Variants in NRXN3 observed in about 807,000 individuals in gnomAD.
NRXN3 encodes the protein neurexin 3.
NRXN3 carries 32 observed loss-of-function variants against 137.6 expected under a neutral mutation model. The ratio of observed to expected loss-of-function variants is 0.23; its 90% CI spans 0.18 to 0.31. NRXN3 has a LOEUF of 0.31. Ranked by LOEUF, NRXN3 falls within the 10% of genes least tolerant of loss-of-function variation. NRXN3 has a pLI of 1.00. For missense variants in NRXN3, 1,574 were observed against 2,062.5 expected (o/e 0.76, Z 4.59); for synonymous variants, 798 against 784.5 (o/e 1.02, Z -0.29).
chr14:78,555,044 G>A lies in NRXN3; in HGVS notation c.758-90076G>A, dbSNP rs57132994. 7.6e-3 allele frequency among the ~76,000 whole-genome samples: 1,150 copies of A among 152,152 alleles called. 13 individuals are homozygous for A. Among genetic ancestry groups the A allele is most frequent in the African/African-American group, 0.026 (1,080 of 41,508 alleles). ...GCTCTGCCATTCATCAGCTTGAGTTGTCTTAGGCAAGTCACATACCATCCT... is the reference window on the plus strand; with the variant it reads ...GCTCTGCCATTCATCAGCTTGAGTTATCTTAGGCAAGTCACATACCATCCT... On this transcript the variant is annotated intron_variant, in intron 4 of 20. Transcript: ENST00000335750.
chr14:78,720,663 T>G (rs1248160357), intron 8 of NRXN3, among the ~76,000 whole-genome samples: 1 of 152,208 alleles, frequency 6.6e-6, no homozygotes, highest in Admixed American at 6.5e-5. Context: ...TCTCTATCAT[T>G]TTAGATCAAA....
intron 8 of NRXN3, among the ~76,000 whole-genome samples, chr14:78,737,922 G>C (rs529752242): frequency 5.9e-5 from 9 of 152,252 alleles, no homozygotes; most frequent in African/African-American, 2.2e-4. Flanking sequence ...GGATTGCTCT[G>C]CTCTGTCTAT....
intron 16 of NRXN3, among the ~76,000 whole-genome samples, chr14:79,614,616 T>G (rs1310347894): frequency 1.3e-5 from 2 of 152,206 alleles, no homozygotes; most frequent in Admixed American, 1.3e-4. Context: ...TGTCACATCT[T>G]GCACTGCTAA....
In NRXN3 at chr14:79,581,574, T is replaced by C. The variant is rs921301982; in HGVS notation, c.3445-82204T>C. On this transcript the variant is annotated intron_variant, in intron 16 of 20. Transcript: ENST00000335750. ...CAATGCCCCATTGGATTTGTTCATG[T>C]CTTTGTTTCTTTGATATATCATCCT... is the stretch of plus-strand genomic sequence containing the variant. 2.6e-5 allele frequency among the ~76,000 whole-genome samples: 4 copies of C among 152,226 alleles called. No individual in the cohort carries two copies. The South Asian group carries it at 6.2e-4, about 24-fold the overall frequency.
intron 15 of NRXN3, among the ~76,000 whole-genome samples, chr14:79,314,820 G>A (rs1319782429): frequency 3.4e-5 from 5 of 147,624 alleles, no homozygotes; most frequent in South Asian, 4.5e-4. Flanking sequence ...CACCTCACAC[G>A]GCAGGGTATT....
intron 15 of NRXN3, among the ~76,000 whole-genome samples, chr14:79,388,744 G>C (rs1599584891): frequency 6.6e-6 from 1 of 152,038 alleles, no homozygotes; most frequent in East Asian, 1.9e-4. Context: ...TTTCTTTTTG[G>C]CGGTGAGATG....
chr14:78,362,503 G>A (rs1341813105), intron 4 of NRXN3, among the ~76,000 whole-genome samples: 4 of 151,830 alleles, frequency 2.6e-5, no homozygotes, highest in African/African-American at 9.7e-5. Flanking sequence ...TTTTCCAAAG[G>A]GCATAAATTA....
chr14:79,463,267 G>T lies in NRXN3; in HGVS notation c.3263-3954G>T, dbSNP rs1364014410. Among the ~76,000 whole-genome samples, 3 of 152,084 alleles carry T rather than the reference G, an allele frequency of 2.0e-5. No individual in the cohort carries two copies. The East Asian group carries it at 5.8e-4, about 29-fold the overall frequency. On this transcript the variant is annotated intron_variant, in intron 15 of 20. Coordinates refer to ENST00000335750, the MANE Select transcript of NRXN3 (RefSeq NM_001330195.2). ...AAACTATAGGTCACCCACTTAATTA[G>T]CTTGTTCCGTAACTTTCACCCAGGA...
At chr14:78,469,903 T>C (rs1352155247) in intron 4 of NRXN3, among the ~76,000 whole-genome samples, 1 of 152,244 alleles carries the variant, frequency 6.6e-6, no homozygotes, top group Non-Finnish European at 1.5e-5. Context: ...CCCGTTAGTC[T>C]GAGCTTTGAC....
At chr14:79,855,849 G>A (rs2099401469) in intron 20 of NRXN3, among the ~76,000 whole-genome samples, 1 of 152,096 alleles carries the variant, frequency 6.6e-6, no homozygotes, top group Non-Finnish European at 1.5e-5. Context: ...GATGGTTTGA[G>A]GTAGGGTATT....
chr14:78,391,383 G>C (rs1378997649), intron 4 of NRXN3, among the ~76,000 whole-genome samples: 1 of 152,106 alleles, frequency 6.6e-6, no homozygotes, highest in Non-Finnish European at 1.5e-5. Flanking sequence ...TTTGTGGCAG[G>C]TGTGGCTATG....
rs534759150 is a variant in NRXN3 at position 79,446,121 on chromosome 14, G to A, written c.3263-21100G>A. ...TTATTGAGGAGAGGCAGACAAAAACGAATAAGAACCGTGAAGAAAATATAG... is the reference window on the plus strand; with the variant it reads ...TTATTGAGGAGAGGCAGACAAAAACAAATAAGAACCGTGAAGAAAATATAG... On this transcript the variant is annotated intron_variant, in intron 15 of 20. Coordinates refer to ENST00000335750, the MANE Select transcript of NRXN3 (RefSeq NM_001330195.2). Among the ~76,000 whole-genome samples the A allele has an allele frequency of 3.9e-5, 6 of 152,210 alleles. No individual in the cohort carries two copies. In the South Asian group the frequency reaches 8.3e-4, roughly 21 times the overall value.
intron 15 of NRXN3, among the ~76,000 whole-genome samples, chr14:79,144,679 G>T (rs1481894919): frequency 2.0e-5 from 3 of 152,120 alleles, no homozygotes; most frequent in African/African-American, 7.2e-5. Flanking sequence ...GCCAATCTTG[G>T]AAGCGTAACA....
At chr14:79,420,530 A>G (rs1330977453) in intron 15 of NRXN3, among the ~76,000 whole-genome samples, 1 of 152,166 alleles carries the variant, frequency 6.6e-6, no homozygotes, top group African/African-American at 2.4e-5. Flanking sequence ...ACACAGGGAA[A>G]GGCTGAGTGA....
At chr14:79,291,211 C>T (rs750341936) in intron 15 of NRXN3, among the ~76,000 whole-genome samples, 2 of 152,080 alleles carry the variant, frequency 1.3e-5, no homozygotes, top group Admixed American at 6.5e-5. Flanking sequence ...GATAGGAAAC[C>T]TCTATTTTCA....
At chr14:79,607,249 G>T (rs966893415) in intron 16 of NRXN3, among the ~76,000 whole-genome samples, 1 of 152,172 alleles carries the variant, frequency 6.6e-6, no homozygotes, top group Non-Finnish European at 1.5e-5. Flanking sequence ...GATATATAAA[G>T]CTGAGTATAC....
At chr14:78,256,961 C>T (rs1209551865) in intron 2 of NRXN3, among the ~76,000 whole-genome samples, 1 of 152,150 alleles carries the variant, frequency 6.6e-6, no homozygotes, top group Non-Finnish European at 1.5e-5. Flanking sequence ...CAGGTGATAC[C>T]TAAGGCATTC....
intron 15 of NRXN3, among the ~76,000 whole-genome samples, chr14:79,240,785 G>A (rs1020348405): frequency 6.6e-6 from 1 of 151,976 alleles, no homozygotes; most frequent in Non-Finnish European, 1.5e-5. Flanking sequence ...GACAGGTGTT[G>A]GAATTATTTG....
intron 1 of NRXN3, among the ~76,000 whole-genome samples, chr14:78,180,798 G>A (rs963833778): frequency 2.6e-5 from 4 of 152,186 alleles, no homozygotes; most frequent in Non-Finnish European, 5.9e-5. Flanking sequence ...TCAGCCCAGG[G>A]CAACTCAGGC....
Sources: allele counts gnomAD v4.1 joint callset (sites outside exome capture counted in the v4.1 genomes callset), GRCh38; gene constraint gnomAD v4.1.1; transcripts MANE v1.5; gene names NCBI Gene and HGNC (gene_info 2026-07-23, HGNC 2026-07-21).